SEPTIN10: variants seen among roughly 807,000 people sequenced by gnomAD.
The protein encoded by SEPTIN10 is septin-10.
In SEPTIN10, 66 loss-of-function variants were observed where a neutral mutation model predicts 54.8. The ratio of observed to expected loss-of-function variants is 1.21; its 90% CI spans 0.99 to 1.48. SEPTIN10 has a LOEUF of 1.48. Among genes scored for constraint, SEPTIN10 ranks in the 40% most tolerant of loss-of-function variants. The pLI is 0.00. For missense variants in SEPTIN10, 620 were observed against 545.6 expected (o/e 1.14, Z -1.36); for synonymous variants, 161 against 181.0 (o/e 0.89, Z 0.89).
rs574934468 is a variant in SEPTIN10, at chr2:109,543,159, T to C, written c.*1150A>G. The C allele has an allele frequency of 1.3e-5, 2 of 152,764 alleles. No individual in the cohort carries two copies. Among genetic ancestry groups the C allele is most frequent in the Admixed American group, 1.3e-4 (2 of 15,306 alleles). 9.5% of individuals were successfully genotyped at this position (152,764 alleles called of 1,614,324 possible). A position where few individuals can be genotyped will look rare whatever the true frequency, so the allele number is the denominator to read the frequency against. On this transcript the variant is annotated 3_prime_UTR_variant, in exon 11 of 11. Coordinates refer to ENST00000397712, the MANE Select transcript of SEPTIN10 (RefSeq NM_144710.5). ...CAAATACCACCTGAAATATGAATTA[T>C]GTGCATTTTTATATCTTTAATATTC...
intron 1 of SEPTIN10, chr2:109,613,027 T>A: frequency 1.9e-6 from 1 of 522,592 alleles, no homozygotes; most frequent in Admixed American, 2.3e-5. Context: ...CCACCAATGT[T>A]TACTATCAAA....
chr2:109,576,347 C>T (rs1039859625), intron 4 of SEPTIN10, among the ~76,000 whole-genome samples: 2 of 151,982 alleles, frequency 1.3e-5, no homozygotes, highest in African/African-American at 4.8e-5. Context: ...AATCATCCTG[C>T]CTTGGCCTCC....
chr2:109,613,331 G>A, intron 1 of SEPTIN10: 1 of 386,648 alleles, frequency 2.6e-6, no homozygotes, highest in Non-Finnish European at 4.6e-6. Flanking sequence ...AAACTTGGAC[G>A]ACCACACCAT....
chr2:109,586,253 T>C (rs1692508180), intron 2 of SEPTIN10, among the ~76,000 whole-genome samples: 1 of 152,184 alleles, frequency 6.6e-6, no homozygotes, highest in Admixed American at 6.6e-5. Flanking sequence ...CTCCTGGTAA[T>C]GGCAGAGTAA....
At chr2:109,592,531 G>C (rs1694308515) in intron 2 of SEPTIN10, among the ~76,000 whole-genome samples, 1 of 151,884 alleles carries the variant, frequency 6.6e-6, no homozygotes, top group East Asian at 1.9e-4. Context: ...TGTAATCCTA[G>C]CACTTTGGGA....
At chr2:109,597,722 T>C (rs997660602) in intron 1 of SEPTIN10, among the ~76,000 whole-genome samples, 45 of 152,236 alleles carry the variant, frequency 3.0e-4, no homozygotes, top group African/African-American at 9.4e-4. Flanking sequence ...GTCTACCATA[T>C]ACTTTTTAAA....
Position 109,546,180 on chromosome 2 carries a change from C to T in SEPTIN10, c.1219G>A (p.Glu407Lys). The change falls in exon 10 of 11, where the codon GAA (glutamate) becomes AAA (lysine). Residue 407 changes from glutamate (E) to lysine (K), a missense_variant. Glu to Lys is a moderately conservative substitution (Grantham distance 56). Coordinates refer to ENST00000397712, the MANE Select transcript of SEPTIN10 (RefSeq NM_144710.5). ...TCTTCCAAAAGTCTTCTCTTTTCTT[C>T]AAGCTTCATTCTCTCTTCTTGGTGA... ...RLHQEERMKL[E>K]EKRRLLEEEI... 1 of 1,608,366 alleles carries T rather than the reference C, an allele frequency of 6.2e-7. No homozygotes were observed. Among genetic ancestry groups the T allele is most frequent in the South Asian group, 1.1e-5 (1 of 90,352 alleles).
At chr2:109,565,971 G>A (rs558487085) in intron 6 of SEPTIN10, 112 bp from the exon 7 acceptor site, 19 of 980,824 alleles carry the variant, frequency 1.9e-5, no homozygotes, top group African/African-American at 9.6e-5. Flanking sequence ...TATTAAAATC[G>A]AATGGTCAGC....
At chr2:109,592,969 C>G in intron 2 of SEPTIN10, 82 bp downstream of exon 2, 1 of 897,980 alleles carries the variant, frequency 1.1e-6, no homozygotes, top group South Asian at 2.7e-5. Flanking sequence ...TCACAAGAGT[C>G]TATAAGCACT....
At chr2:109,566,146 A>G (rs767384797) in intron 6 of SEPTIN10, among the ~76,000 whole-genome samples, 1 of 151,932 alleles carries the variant, frequency 6.6e-6, no homozygotes, top group Non-Finnish European at 1.5e-5. Flanking sequence ...TTTGAGACAG[A>G]GTCTTACTCT....
chr2:109,609,282 T>TA (rs1195240489), intron 1 of SEPTIN10, among the ~76,000 whole-genome samples: 1 of 151,986 alleles, frequency 6.6e-6, no homozygotes, highest in Non-Finnish European at 1.5e-5. Flanking sequence ...ACTTTCCATA[T>TA]AAAAAAATAA....
intron 9 of SEPTIN10, among the ~76,000 whole-genome samples, 168 bp from the exon 10 acceptor site, chr2:109,546,405 T>C (rs1021146791): frequency 4.6e-5 from 7 of 152,180 alleles, no homozygotes; most frequent in African/African-American, 1.4e-4. Context: ...AGTTTACATA[T>C]GGAATTCCCT....
chr2:109,606,332 T>A (rs1251706228), intron 1 of SEPTIN10, among the ~76,000 whole-genome samples: 1 of 147,158 alleles, frequency 6.8e-6, no homozygotes, highest in African/African-American at 2.4e-5. Context: ...GGAGAATCGT[T>A]TGAACCCGGG....
chr2:109,544,928 A>C, intron 10 of SEPTIN10: 1 of 982,554 alleles, frequency 1.0e-6, no homozygotes. Flanking sequence ...CTCTTTTCCA[A>C]AAAAACAAAC....
chr2:109,588,535 C>A lies in SEPTIN10; in HGVS notation c.100-2697G>T, dbSNP rs558242641. Among the ~76,000 whole-genome samples, 7 of 152,028 alleles carry A rather than the reference C, an allele frequency of 4.6e-5. No homozygotes were observed. The South Asian group carries it at 1.5e-3, about 32-fold the overall frequency. On this transcript the variant is annotated intron_variant, in intron 2 of 10. Coordinates refer to ENST00000397712, the MANE Select transcript of SEPTIN10 (RefSeq NM_144710.5). Reference sequence around the variant, plus strand: ...TTAAGATGGAGTTTTGCTCTTTCGCCCAGGCTGGAGTGAAGTGGTATGATC... The same window carrying A: ...TTAAGATGGAGTTTTGCTCTTTCGCACAGGCTGGAGTGAAGTGGTATGATC...
At chr2:109,606,252 T>C (rs1239573407) in intron 1 of SEPTIN10, among the ~76,000 whole-genome samples, 2 of 152,040 alleles carry the variant, frequency 1.3e-5, no homozygotes, top group African/African-American at 2.4e-5. Flanking sequence ...CCGCTTCTAC[T>C]AGAACTACAA....
intron 8 of SEPTIN10, among the ~76,000 whole-genome samples, chr2:109,554,168 T>C (rs116636189): frequency 2.0e-5 from 3 of 152,240 alleles, no homozygotes; most frequent in African/African-American, 4.8e-5. Context: ...TTTTGGTGCA[T>C]CAGTGAGTGA....
chr2:109,610,489 T>G (rs1460283420), intron 1 of SEPTIN10, among the ~76,000 whole-genome samples: 1 of 151,764 alleles, frequency 6.6e-6, no homozygotes, highest in African/African-American at 2.4e-5. Flanking sequence ...CTGAGACGGG[T>G]GGATCACCTG....
In SEPTIN10 at chr2:109,591,365, C is replaced by T. The variant is rs143012970; in HGVS notation, c.99+1686G>A. Among the ~76,000 whole-genome samples the T allele has an allele frequency of 7.9e-3, 1,200 of 152,088 alleles. 16 individuals are homozygous for T. The highest frequency in any genetic ancestry group is 0.026 in the African/African-American group (1,063 of 41,464). On this transcript the variant is annotated intron_variant, in intron 2 of 10. Coordinates refer to ENST00000397712, the MANE Select transcript of SEPTIN10 (RefSeq NM_144710.5). ...CATTTCAAAAATGAGGGTGTGGTCC[C>T]CATGATGTAACACAAAAGAGGGGCC...
Sources: allele counts gnomAD v4.1 joint callset (sites outside exome capture counted in the v4.1 genomes callset), GRCh38; gene constraint gnomAD v4.1.1; transcripts MANE v1.5; gene names NCBI Gene and HGNC (gene_info 2026-07-23, HGNC 2026-07-21).